TRPC7: variants seen among roughly 807,000 people sequenced by gnomAD.
TRPC7 encodes short transient receptor potential channel 7.
Under a neutral mutation model 90.1 loss-of-function variants are expected in TRPC7, and 42 were observed. The ratio of observed to expected loss-of-function variants is 0.47; its 90% CI spans 0.36 to 0.60. TRPC7 has a LOEUF of 0.60. Among genes scored for constraint, TRPC7 ranks in the 20% least tolerant of loss-of-function variants. The probability of loss-of-function intolerance (pLI) is 0.00; values close to 1 mark genes in which losing one functional copy is unlikely to be tolerated. For missense variants in TRPC7, 955 were observed against 1,112.3 expected, an observed-to-expected ratio of 0.86 and a Z score of 2.01; for synonymous variants, 451 against 436.3, an observed-to-expected ratio of 1.03 and a Z score of -0.42.
At chr5:136,338,146 G>A (rs146738335) in intron 2 of TRPC7, among the ~76,000 whole-genome samples, 5 of 152,040 alleles carry the variant, frequency 3.3e-5, no homozygotes, top group Admixed American at 3.3e-4. Context: ...TCTCACTCTG[G>A]AGCTGAAAAA....
chr5:136,231,635 C>T (rs1245180294), intron 7 of TRPC7, 86 bp from the exon 8 acceptor site: 1 of 1,297,610 alleles, frequency 7.7e-7, no homozygotes, highest in African/African-American at 1.5e-5. Context: ...GACAGGGTCT[C>T]ACTCTGTTGC....
intron 2 of TRPC7, among the ~76,000 whole-genome samples, chr5:136,328,088 A>G (rs1759398016): frequency 6.6e-6 from 1 of 152,200 alleles, no homozygotes; most frequent in Non-Finnish European, 1.5e-5. Context: ...CATGCTCCAA[A>G]GGATCAAGGC....
rs1418130940 is a variant in TRPC7, at chr5:136,266,366, C to G, written c.1199G>C (p.Gly400Ala). The stretch of plus-strand genomic sequence containing the variant: ...GTCAGATGCATTCACAACTAATAAT[C>G]CCAAGAAGATTGTAAAAGAAACTGC... Reference protein sequence around the residue: ...AHAVSFTIFLGLLVVNASDRF... With the variant: ...AHAVSFTIFLALLVVNASDRF... The change falls in exon 5 of 12, where the codon GGA becomes GCA. Residue 400 changes from glycine to alanine, a missense_variant. Physicochemically the swap from Gly to Ala is moderately conservative, Grantham distance 60. Around this residue, in one of 4 missense-constraint regions of TRPC7, gnomAD observed 484 missense variants for 509.6 expected, o/e 0.95. Coordinates refer to ENST00000513104, the MANE Select transcript of TRPC7 (RefSeq NM_020389.3). 2.5e-6 allele frequency: 4 copies of G among 1,613,828 alleles called. No homozygotes were observed. Among genetic ancestry groups the G allele is most frequent in the Non-Finnish European group, 3.4e-6 (4 of 1,179,792 alleles).
chr5:136,309,070 G>A (rs1323284376), intron 3 of TRPC7, among the ~76,000 whole-genome samples: 1 of 152,140 alleles, frequency 6.6e-6, no homozygotes, highest in Non-Finnish European at 1.5e-5. Flanking sequence ...GGGCAATGTG[G>A]GTTGAAATGG....
At chr5:136,336,916 C>A (rs1341589239) in intron 2 of TRPC7, among the ~76,000 whole-genome samples, 1 of 152,172 alleles carries the variant, frequency 6.6e-6, no homozygotes, top group East Asian at 1.9e-4. Context: ...GAAAGATGAA[C>A]CACAGAATGG....
intron 7 of TRPC7, among the ~76,000 whole-genome samples, chr5:136,241,562 CTT>C (rs375780408): frequency 5.1e-4 from 75 of 146,534 alleles, no homozygotes; most frequent in Admixed American, 6.1e-4. Context: ...TCCTTCCTTC[CTT>C]TTTTTTTTTT....
At chr5:136,311,475 G>A (rs961747034) in intron 3 of TRPC7, among the ~76,000 whole-genome samples, 1 of 152,198 alleles carries the variant, frequency 6.6e-6, no homozygotes, top group African/African-American at 2.4e-5. Flanking sequence ...CTGGGATTCA[G>A]AGGCTGGTTG....
At chr5:136,348,431 T>C (rs1760079575) in intron 2 of TRPC7, among the ~76,000 whole-genome samples, 2 of 152,240 alleles carry the variant, frequency 1.3e-5, no homozygotes, top group African/African-American at 4.8e-5. Flanking sequence ...TTTTATTCCA[T>C]TGGGTTTCAT....
chr5:136,320,422 T>C (rs949118569), intron 2 of TRPC7, among the ~76,000 whole-genome samples: 2 of 152,182 alleles, frequency 1.3e-5, no homozygotes, highest in African/African-American at 4.8e-5. Flanking sequence ...TTAGAAAAAG[T>C]AGTCAGATCC....
intron 2 of TRPC7, among the ~76,000 whole-genome samples, chr5:136,324,474 G>C (rs1185816216): frequency 1.3e-5 from 2 of 152,072 alleles, no homozygotes; most frequent in African/African-American, 2.4e-5. Flanking sequence ...CTTGCTCTCT[G>C]TTCAACAGAG....
At chr5:136,234,190 G>T (rs1755910695) in intron 7 of TRPC7, among the ~76,000 whole-genome samples, 1 of 152,198 alleles carries the variant, frequency 6.6e-6, no homozygotes, top group Admixed American at 6.5e-5. Flanking sequence ...TTCTCCAACA[G>T]GCTCTACAAA....
chr5:136,273,998 A>G (rs1175403627), intron 4 of TRPC7, among the ~76,000 whole-genome samples: 1 of 152,154 alleles, frequency 6.6e-6, no homozygotes, highest in Non-Finnish European at 1.5e-5. Context: ...ACTGGTGGGC[A>G]CTGGACACTC....
chr5:136,276,036 C>T (rs142869650), intron 3 of TRPC7, among the ~76,000 whole-genome samples: 1 of 152,276 alleles, frequency 6.6e-6, no homozygotes, highest in East Asian at 1.9e-4. Flanking sequence ...AGCATATTGG[C>T]TTTAGTTGTT....
At chr5:136,262,508 G>A (rs1310359506) in intron 5 of TRPC7, among the ~76,000 whole-genome samples, 1 of 152,208 alleles carries the variant, frequency 6.6e-6, no homozygotes, top group Non-Finnish European at 1.5e-5. Flanking sequence ...AGGAGGGGAA[G>A]CGAGTCTTGT....
chr5:136,266,088 G>C (rs1000475186), intron 5 of TRPC7, 132 bp downstream of exon 5: 2 of 775,046 alleles, frequency 2.6e-6, no homozygotes, highest in South Asian at 1.7e-5. Context: ...TGACTTTCTT[G>C]TTGGTCATCC....
At chr5:136,336,141 A>G (rs1759653979) in intron 2 of TRPC7, among the ~76,000 whole-genome samples, 1 of 152,008 alleles carries the variant, frequency 6.6e-6, no homozygotes, top group Non-Finnish European at 1.5e-5. Flanking sequence ...TTCAAGGACC[A>G]CTTTAAAATG....
intron 3 of TRPC7, among the ~76,000 whole-genome samples, chr5:136,302,859 C>A (rs532457312): frequency 6.6e-6 from 1 of 152,020 alleles, no homozygotes; most frequent in East Asian, 1.9e-4. Flanking sequence ...CAATGAAACT[C>A]ATCCCAAATC....
At chr5:136,320,488 T>C (rs1217229380) in intron 2 of TRPC7, among the ~76,000 whole-genome samples, 1 of 152,018 alleles carries the variant, frequency 6.6e-6, no homozygotes, top group Non-Finnish European at 1.5e-5. Flanking sequence ...AAAAGTGGGG[T>C]CGTCAGTCAC....
chr5:136,217,259 C>G (rs1263973027), intron 10 of TRPC7, among the ~76,000 whole-genome samples: 2 of 152,220 alleles, frequency 1.3e-5, no homozygotes, highest in African/African-American at 4.8e-5. Context: ...TTGAAGAGAC[C>G]TGTAGGGACC....
Sources: allele counts gnomAD v4.1 joint callset (sites outside exome capture counted in the v4.1 genomes callset), GRCh38; gene constraint gnomAD v4.1.1; regional missense constraint gnomAD v4.1.1; transcripts MANE v1.5; gene names NCBI Gene and HGNC (gene_info 2026-07-23, HGNC 2026-07-21).